The following TRHDE variants were observed in gnomAD, a reference collection of about 807,000 sequenced individuals.
TRHDE encodes thyrotropin-releasing hormone-degrading ectoenzyme.
In TRHDE, 72 loss-of-function variants were observed where a neutral mutation model predicts 125.7. The observed-to-expected ratio is 0.57, with a 90% CI of 0.47 to 0.70. The LOEUF (loss-of-function observed/expected upper bound fraction) is 0.70, where lower values mean the gene tolerates loss of function less well. Among genes scored for constraint, TRHDE ranks in the 30% least tolerant of loss-of-function variants. The pLI, the probability that TRHDE is intolerant of heterozygous loss-of-function variation, is 0.00. For missense variants in TRHDE, 1,110 were observed against 1,327.1 expected (o/e 0.84, Z 2.54); for synonymous variants, 509 against 509.1 (o/e 1.00, Z 0.00).
intron 2 of TRHDE, among the ~76,000 whole-genome samples, chr12:72,203,539 C>T (rs1411650211): frequency 1.3e-5 from 2 of 152,104 alleles, no homozygotes; most frequent in African/African-American, 4.8e-5. Context: ...CTGCAATTCA[C>T]TCATTTATTT....
chr12:72,603,259 T>A (rs1014654835), intron 12 of TRHDE, among the ~76,000 whole-genome samples: 1 of 152,094 alleles, frequency 6.6e-6, no homozygotes, highest in Admixed American at 6.5e-5. Context: ...CTGGAGATAG[T>A]TGACATAAAT....
At chr12:72,148,792 T>C (rs1289743478) in intron 2 of TRHDE, among the ~76,000 whole-genome samples, 2 of 152,240 alleles carry the variant, frequency 1.3e-5, no homozygotes, top group Non-Finnish European at 2.9e-5. Context: ...TTTGCTGTTT[T>C]GTTTGTCAGA....
At chr12:72,380,766 G>GCCTCCTTCCTTCCTTC (rs1872124014) in intron 3 of TRHDE, among the ~76,000 whole-genome samples, 1 of 71,012 alleles carries the variant, frequency 1.4e-5, no homozygotes, top group Non-Finnish European at 2.5e-5. Flanking sequence ...TTCCTTCCTT[G>GCCTCCTTCCTTCCTTC]CTTCCTTCCT....
chr12:72,654,831 C>CAA (rs1433762324), intron 17 of TRHDE, among the ~76,000 whole-genome samples: 6 of 152,106 alleles, frequency 3.9e-5, no homozygotes, highest in African/African-American at 1.4e-4. Flanking sequence ...CTTCCCAGTA[C>CAA]TCTTACAATA....
At chr12:72,514,625 T>C (rs1878750974) in intron 6 of TRHDE, among the ~76,000 whole-genome samples, 1 of 151,910 alleles carries the variant, frequency 6.6e-6, no homozygotes, top group African/African-American at 2.4e-5. Context: ...CACTTACTTT[T>C]TCTTTTTTTT....
At chr12:72,622,485 T>C (rs1873093502) in intron 15 of TRHDE, among the ~76,000 whole-genome samples, 1 of 152,028 alleles carries the variant, frequency 6.6e-6, no homozygotes, top group South Asian at 2.1e-4. Flanking sequence ...ACAACTGATA[T>C]CCCTTCCTCT....
chr12:72,185,540 G>A (rs1458863264), intron 2 of TRHDE, among the ~76,000 whole-genome samples: 1 of 152,236 alleles, frequency 6.6e-6, no homozygotes, highest in Non-Finnish European at 1.5e-5. Context: ...GAGTCTTTAC[G>A]TCTAGCTCAG....
At chr12:72,535,668 T>C (rs970300154) in intron 6 of TRHDE, among the ~76,000 whole-genome samples, 2 of 151,912 alleles carry the variant, frequency 1.3e-5, no homozygotes, top group African/African-American at 4.8e-5. Context: ...ATGCTAAATA[T>C]AGCTATCATA....
At chr12:72,598,891 C>T (rs1872093236) in intron 12 of TRHDE, among the ~76,000 whole-genome samples, 1 of 151,996 alleles carries the variant, frequency 6.6e-6, no homozygotes, top group African/African-American at 2.4e-5. Context: ...CCCTCCCTTA[C>T]CCCTCTAATA....
Position 72,267,096 on chromosome 12 carries a change from C to A in TRHDE, n.280-110899C>A, listed in dbSNP as rs150451236. The stretch of plus-strand genomic sequence containing the variant: ...AGGAGTATATTCACTATTTCCATTT[C>A]TTGAGTGACTAGACAAATTAACTAG... On this transcript the variant is annotated intron_variant and non_coding_transcript_variant, in intron 2 of 4. Transcript: ENST00000548156. Among the ~76,000 whole-genome samples the A allele has an allele frequency of 7.9e-3, 1,207 of 152,134 alleles. 10 individuals are homozygous for A. Among genetic ancestry groups the A allele is most frequent in the African/African-American group, 0.028 (1,151 of 41,528 alleles).
chr12:72,149,552 G>C (rs1025449316), intron 2 of TRHDE, among the ~76,000 whole-genome samples: 1 of 151,700 alleles, frequency 6.6e-6, no homozygotes, highest in Non-Finnish European at 1.5e-5. Context: ...CAAGATTAGA[G>C]TTGTGTTGTA....
chr12:72,272,284 AGAGCGCGGCGCAGGGGAGGGAGAGCCGG>A (rs1382752843), upstream of TRHDE: 1 of 365,874 alleles, frequency 2.7e-6, no homozygotes, highest in Non-Finnish European at 5.4e-6. The surrounding 1 kb of genome is among the most constrained non-coding windows in gnomAD (Gnocchi z 6.7). Flanking sequence ...AAGCGAGGCG[AGAGCGCGGCGCAGGGGAGGGAGAGCCGG>A]GAGCCGCAGG....
At chr12:72,329,660 T>A (rs1869495388) in intron 2 of TRHDE, among the ~76,000 whole-genome samples, 3 of 152,200 alleles carry the variant, frequency 2.0e-5, no homozygotes, top group African/African-American at 7.2e-5. Flanking sequence ...ATCATATATC[T>A]CCATATTAAA....
At chr12:72,126,685 C>G (rs1875720896) in intron 2 of TRHDE, among the ~76,000 whole-genome samples, 1 of 152,078 alleles carries the variant, frequency 6.6e-6, no homozygotes. Flanking sequence ...GTACCTTTCA[C>G]CATATACAAA....
chr12:72,519,796 T>A (rs1879087018), intron 6 of TRHDE, among the ~76,000 whole-genome samples: 3 of 152,188 alleles, frequency 2.0e-5, no homozygotes, highest in South Asian at 4.1e-4. Context: ...TGGTCTTTGA[T>A]GATGGTGATG....
intron 2 of TRHDE, among the ~76,000 whole-genome samples, chr12:72,109,385 G>A (rs533519032): frequency 3.2e-4 from 49 of 152,184 alleles, no homozygotes; most frequent in African/African-American, 1.1e-3. Flanking sequence ...AAAGAAAAGA[G>A]TGTCTATAAA....
At chr12:72,251,422 C>T (rs1592500330) in intron 2 of TRHDE, among the ~76,000 whole-genome samples, 1 of 130,864 alleles carries the variant, frequency 7.6e-6, no homozygotes. Context: ...GGAATTGGGG[C>T]TTTTTTTTTT....
intron 2 of TRHDE, among the ~76,000 whole-genome samples, chr12:72,187,503 TGGTGGAGGAGGAGGAGGA>T (rs1355912355): frequency 1.8e-4 from 24 of 136,910 alleles, no homozygotes; most frequent in South Asian, 8.2e-4. Flanking sequence ...GTGGTGGTGG[TGGTGGAGGAGGAGGAGGA>T]GGAGGAGGAG....
chr12:72,411,893 TAATA>T (rs1477225201), intron 3 of TRHDE, among the ~76,000 whole-genome samples: 5 of 152,136 alleles, frequency 3.3e-5, no homozygotes, highest in African/African-American at 1.2e-4. Flanking sequence ...ACAAACTTTT[TAATA>T]AATAATACTA....
Sources: gnomAD v4.1 joint callset for allele counts (sites outside exome capture counted in the v4.1 genomes callset) on GRCh38, gnomAD v4.1.1 for gene constraint, Gnocchi (gnomAD v3.1) non-coding constraint, MANE v1.5 for transcripts, NCBI Gene and HGNC (gene_info 2026-07-23, HGNC 2026-07-21) for gene names.